The following NELL1 variants were observed in gnomAD, a reference collection of about 807,000 sequenced individuals.
The protein encoded by NELL1 is protein kinase C-binding protein NELL1.
A neutral mutation model predicts 107.4 loss-of-function variants in NELL1; 76 were observed. That is an observed-to-expected ratio of 0.71 (90% CI 0.59 to 0.86). The LOEUF (loss-of-function observed/expected upper bound fraction) is 0.86. NELL1 is among the 40% of genes least tolerant of loss of function. The probability of loss-of-function intolerance (pLI) is 0.00; values close to 1 mark genes in which losing one functional copy is unlikely to be tolerated. For missense variants in NELL1, 1,024 were observed against 1,005.5 expected (o/e 1.02, Z -0.25); for synonymous variants, 353 against 341.2 (o/e 1.03, Z -0.38).
At chr11:21,550,158 TG>T (rs1245705311) in intron 16 of NELL1, among the ~76,000 whole-genome samples, 4 of 151,928 alleles carry the variant, frequency 2.6e-5, no homozygotes, top group South Asian at 2.1e-4. Flanking sequence ...TTTTGGGGTT[TG>T]GAATTCCCAT....
intron 3 of NELL1, among the ~76,000 whole-genome samples, chr11:20,789,976 C>T (rs1374730803): frequency 6.6e-6 from 1 of 152,198 alleles, no homozygotes; most frequent in Non-Finnish European, 1.5e-5. Flanking sequence ...GCTGGTCCTT[C>T]TGATGTCTGC....
In NELL1 at chr11:20,737,312, G is replaced by A. The variant is rs186969740; in HGVS notation, c.185-46368G>A. Among the ~76,000 whole-genome samples, 13 of 152,134 alleles carry A rather than the reference G, an allele frequency of 8.5e-5. No homozygotes were observed. The East Asian group carries it at 2.5e-3, about 29-fold the overall frequency. ...ACAGGGGTACATCAAGGTGGCTCTG[G>A]GGTATCTGTTTTCAGATATATCTGA... On this transcript the variant is annotated intron_variant, in intron 2 of 19. Transcript: ENST00000357134.
At chr11:20,958,509 G>A (rs1288980743) in intron 11 of NELL1, among the ~76,000 whole-genome samples, 1 of 152,072 alleles carries the variant, frequency 6.6e-6, no homozygotes, top group Non-Finnish European at 1.5e-5. Context: ...ATGACTATTA[G>A]ATTAATAAGT....
At chr11:21,399,654 C>T (rs1221392014) in intron 15 of NELL1, among the ~76,000 whole-genome samples, 1 of 151,724 alleles carries the variant, frequency 6.6e-6, no homozygotes, top group African/African-American at 2.4e-5. Flanking sequence ...GATAAGGGAA[C>T]TAAAACAAAG....
intron 14 of NELL1, among the ~76,000 whole-genome samples, chr11:21,319,347 T>C (rs540533029): frequency 2.4e-4 from 36 of 151,554 alleles, no homozygotes; most frequent in Admixed American, 1.5e-3. Context: ...GGCTAATTTT[T>C]ATTTTATTAT....
intron 2 of NELL1, among the ~76,000 whole-genome samples, chr11:20,710,224 C>T (rs1438679569): frequency 6.6e-6 from 1 of 152,102 alleles, no homozygotes; most frequent in Non-Finnish European, 1.5e-5. Flanking sequence ...AGGTATGTCC[C>T]TTCTATGCCA....
chr11:21,473,845 G>C (rs576254829), intron 15 of NELL1, among the ~76,000 whole-genome samples: 39 of 152,148 alleles, frequency 2.6e-4, no homozygotes, highest in Middle Eastern at 3.4e-3. Context: ...GTGTTAAAGA[G>C]AACAAAATAT....
chr11:21,560,463 C>T (rs1856822973), intron 17 of NELL1, 81 bp downstream of exon 17: 1 of 1,265,514 alleles, frequency 7.9e-7, no homozygotes, highest in Non-Finnish European at 1.1e-6. Flanking sequence ...AGCTCTCTCC[C>T]TCTTGCTGTT....
chr11:21,280,197 G>A (rs1015855028), intron 14 of NELL1, among the ~76,000 whole-genome samples: 3 of 152,190 alleles, frequency 2.0e-5, no homozygotes, highest in African/African-American at 7.2e-5. Context: ...GAAACCTAAT[G>A]TAAACTATGG....
intron 3 of NELL1, among the ~76,000 whole-genome samples, chr11:20,823,344 T>C (rs1268486711): frequency 1.3e-5 from 2 of 151,154 alleles, no homozygotes; most frequent in African/African-American, 4.8e-5. Context: ...ACTGTCGCCA[T>C]GATTCAATGA....
intron 15 of NELL1, among the ~76,000 whole-genome samples, chr11:21,533,881 A>G (rs1404632229): frequency 6.6e-6 from 1 of 152,184 alleles, no homozygotes; most frequent in Non-Finnish European, 1.5e-5. Flanking sequence ...TCTTATCTCA[A>G]AGCTTTGCAG....
At chr11:20,785,630 T>C (rs1856938082) in intron 3 of NELL1, among the ~76,000 whole-genome samples, 1 of 152,214 alleles carries the variant, frequency 6.6e-6, no homozygotes, top group East Asian at 1.9e-4. Context: ...GCTATTATAT[T>C]AGAAAGAGCA....
At chr11:20,883,610 C>T (rs971249680) in intron 4 of NELL1, among the ~76,000 whole-genome samples, 1 of 152,142 alleles carries the variant, frequency 6.6e-6, no homozygotes, top group Non-Finnish European at 1.5e-5. Flanking sequence ...CAGTGATTTC[C>T]ATTTCTCCCT....
intron 15 of NELL1, among the ~76,000 whole-genome samples, chr11:21,451,221 G>GA: frequency 6.8e-6 from 1 of 147,122 alleles, no homozygotes; most frequent in East Asian, 2.0e-4. Flanking sequence ...AAAGAAAAAA[G>GA]AAAAAGAAAA....
intron 14 of NELL1, among the ~76,000 whole-genome samples, chr11:21,239,217 C>T (rs576055371): frequency 6.6e-6 from 1 of 152,166 alleles, no homozygotes; most frequent in Admixed American, 6.6e-5. Flanking sequence ...ACTTCATAAA[C>T]ATTATGTATA....
rs560997511 is a variant in NELL1, at chr11:20,915,305, G to A, written c.604-2877G>A. 3.3e-5 allele frequency among the ~76,000 whole-genome samples: 5 copies of A among 151,878 alleles called. No individual in the cohort carries two copies. The East Asian group carries it at 7.8e-4, about 24-fold the overall frequency. On this transcript the variant is annotated intron_variant, in intron 5 of 19. Coordinates refer to ENST00000357134, the MANE Select transcript of NELL1 (RefSeq NM_006157.5). The stretch of plus-strand genomic sequence containing the variant: ...AATAAAGCAGAATTTTTCAAAGTGA[G>A]GTCCTTTTACCATTCATCAGAATCA...
At chr11:21,036,729 C>G (rs1415199484) in intron 12 of NELL1, among the ~76,000 whole-genome samples, 2 of 151,900 alleles carry the variant, frequency 1.3e-5, no homozygotes, top group South Asian at 2.1e-4. Flanking sequence ...CTCTCTCTCT[C>G]TGTCTCACAC....
At chr11:21,214,605 C>T (rs759554939) in intron 13 of NELL1, among the ~76,000 whole-genome samples, 1 of 152,142 alleles carries the variant, frequency 6.6e-6, no homozygotes, top group Non-Finnish European at 1.5e-5. Context: ...TGTAAAATTA[C>T]AGCCATTCTA....
chr11:21,181,550 T>G (rs1856827103), intron 13 of NELL1, among the ~76,000 whole-genome samples: 1 of 151,944 alleles, frequency 6.6e-6, no homozygotes, highest in African/African-American at 2.4e-5. Flanking sequence ...CTTACATCAC[T>G]ATTTCACATT....
Sources: allele counts gnomAD v4.1 joint callset (sites outside exome capture counted in the v4.1 genomes callset), GRCh38; gene constraint gnomAD v4.1.1; transcripts MANE v1.5; gene names NCBI Gene and HGNC (gene_info 2026-07-23, HGNC 2026-07-21).